The following ST7L variants were observed in gnomAD, a reference collection of about 807,000 sequenced individuals.
The protein encoded by ST7L is suppressor of tumorigenicity 7 protein-like.
In ST7L, 57 loss-of-function variants were observed where a neutral mutation model predicts 72.5. That is an observed-to-expected ratio of 0.79 (90% CI 0.64 to 0.98). The LOEUF is 0.98. Among genes scored for constraint, ST7L ranks in the 50% least tolerant of loss-of-function variants. The probability of loss-of-function intolerance (pLI) is 0.00; values close to 1 mark genes in which losing one functional copy is unlikely to be tolerated. For missense variants in ST7L, 576 were observed against 672.2 expected (o/e 0.86, Z 1.58); for synonymous variants, 221 against 240.9 (o/e 0.92, Z 0.77).
At chr1:112,611,071 T>C in intron 2 of ST7L, 68 bp from the exon 3 acceptor site, 1 of 1,503,800 alleles carries the variant, frequency 6.6e-7, no homozygotes, top group Non-Finnish European at 9.0e-7. Context: ...AATTAAAACA[T>C]TCTCTCAAGA....
intron 14 of ST7L, among the ~76,000 whole-genome samples, chr1:112,535,409 G>A (rs577034774): frequency 1.3e-5 from 2 of 151,156 alleles, no homozygotes; most frequent in African/African-American, 4.9e-5. Flanking sequence ...AGAAGAAGAA[G>A]AAGAAGAAGA....
chr1:112,531,550 A>G (rs1467946239), intron 14 of ST7L, among the ~76,000 whole-genome samples: 1 of 152,214 alleles, frequency 6.6e-6, no homozygotes, highest in African/African-American at 2.4e-5. Flanking sequence ...GGGTCACTAT[A>G]TCTTACGGGA....
At chr1:112,551,438 G>A (rs546575520) in intron 12 of ST7L, among the ~76,000 whole-genome samples, 4 of 152,120 alleles carry the variant, frequency 2.6e-5, no homozygotes, top group African/African-American at 4.8e-5. Flanking sequence ...GTGAGCCACC[G>A]CGCCCGGCCT....
intron 6 of ST7L, among the ~76,000 whole-genome samples, chr1:112,591,071 C>T (rs1407860417): frequency 6.6e-6 from 1 of 151,860 alleles, no homozygotes; most frequent in African/African-American, 2.4e-5. Context: ...GCTGGGACTA[C>T]AGGCGCTCGC....
intron 12 of ST7L, among the ~76,000 whole-genome samples, chr1:112,551,960 G>A (rs1043871334): frequency 2.0e-5 from 3 of 152,158 alleles, no homozygotes; most frequent in Non-Finnish European, 2.9e-5. Context: ...CTATACATAC[G>A]TTTAAGAAAG....
downstream of ST7L, chr1:112,523,407 G>A (rs1294865439): frequency 6.6e-6 from 1 of 152,218 alleles, no homozygotes; most frequent in Admixed American, 6.5e-5. Flanking sequence ...GTCCCAAAAG[G>A]AATGATGGCC....
chr1:112,579,380 TAAAAA>T (rs34252016), intron 9 of ST7L, among the ~76,000 whole-genome samples: 2,492 of 96,830 alleles, frequency 0.026, 68 homozygotes, highest in African/African-American at 0.09. Flanking sequence ...CGAGACTCTG[TAAAAA>T]AAAAAAAAAA....
intron 14 of ST7L, among the ~76,000 whole-genome samples, chr1:112,531,944 T>C (rs977430716): frequency 1.3e-5 from 2 of 152,134 alleles, no homozygotes; most frequent in African/African-American, 2.4e-5. Context: ...TCTTTTCAGG[T>C]TATCCAGGAC....
chr1:112,618,238 A>T, intron 1 of ST7L: 1 of 1,123,370 alleles, frequency 8.9e-7, no homozygotes, highest in Non-Finnish European at 1.1e-6. Context: ...CAGGATCATC[A>T]CTTCTTACAT....
intron 5 of ST7L, among the ~76,000 whole-genome samples, chr1:112,594,118 A>C (rs1433972310): frequency 6.6e-6 from 1 of 151,948 alleles, no homozygotes; most frequent in Non-Finnish European, 1.5e-5. Context: ...CTGATCTACC[A>C]AAGAATGTTT....
At position 112,533,532 on chromosome 1, in the gene ST7L, G is replaced by A. The variant is rs748577952; in HGVS notation, c.1630-7421C>T. 8.8e-4 allele frequency among the ~76,000 whole-genome samples: 134 copies of A among 152,108 alleles called. 1 individual carries two copies. The highest frequency in any genetic ancestry group is 2.0e-3 in the Admixed American group (31 of 15,272). ...CGGTTTCACCATGTTGGCCAGGATC[G>A]TCTTGATCTCTTGACTCATGATCCA... On this transcript the variant is annotated intron_variant, in intron 14 of 14. Transcript: ENST00000358039.
chr1:112,558,721 T>C (rs1182337120), intron 11 of ST7L, among the ~76,000 whole-genome samples: 2 of 152,350 alleles, frequency 1.3e-5, no homozygotes, highest in African/African-American at 2.4e-5. Flanking sequence ...CAAAGCCCAT[T>C]TGATGCCTGG....
chr1:112,610,889 A>G lies in ST7L; in HGVS notation c.403T>C (p.Ser135Pro). The change falls in exon 3 of 15, where the codon TCT becomes CCT. Residue 135 changes from serine to proline, a missense_variant. Coordinates refer to ENST00000358039, the MANE Select transcript of ST7L (RefSeq NM_017744.5). ...GTESSISEPG[S>P]PSRNRENETS... ...TCATTTTCTCTGTTCCTCGAAGGAG[A>G]ACCTGGTTCTGAAATGCTGCTCTCT... is the stretch of plus-strand genomic sequence containing the variant. 1.2e-6 allele frequency: 2 copies of G among 1,614,170 alleles called. No homozygotes were observed. The highest frequency in any genetic ancestry group is 1.7e-6 in the Non-Finnish European group (2 of 1,180,028).
chr1:112,570,432 G>C (rs1661874065), intron 11 of ST7L, among the ~76,000 whole-genome samples: 1 of 151,858 alleles, frequency 6.6e-6, no homozygotes, highest in African/African-American at 2.4e-5. Flanking sequence ...TTCTGTTGTA[G>C]TTATGTGGAA....
intron 11 of ST7L, among the ~76,000 whole-genome samples, chr1:112,559,245 TTTTA>T (rs368746100): frequency 1.0e-3 from 153 of 152,252 alleles, no homozygotes; most frequent in African/African-American, 3.2e-3. Context: ...CAAAAAATAC[TTTTA>T]TTTATTTATT....
chr1:112,570,570 T>TATATACACACACAC (rs1183877129), intron 11 of ST7L, among the ~76,000 whole-genome samples: 14 of 143,416 alleles, frequency 9.8e-5, no homozygotes, highest in African/African-American at 3.4e-4. Context: ...TATATATATA[T>TATATACACACACAC]ACACACACAC....
chr1:112,563,012 A>C (rs1660426854), intron 11 of ST7L, among the ~76,000 whole-genome samples: 1 of 152,124 alleles, frequency 6.6e-6, no homozygotes, highest in African/African-American at 2.4e-5. Context: ...TCAGAGAAGT[A>C]GAATTGGGAG....
At chr1:112,566,294 C>CTT (rs33915951) in intron 11 of ST7L, among the ~76,000 whole-genome samples, 18,555 of 106,856 alleles carry the variant, frequency 0.17, 2,354 homozygotes, top group Non-Finnish European at 0.21. Context: ...TTTTCTTCTT[C>CTT]TTCTTTTTTT....
chr1:112,571,407 A>T (rs1046825158), intron 11 of ST7L: 1 of 423,286 alleles, frequency 2.4e-6, no homozygotes, highest in East Asian at 7.3e-5. Context: ...ATGTATATCT[A>T]TCTATCTATA....
Sources: gnomAD v4.1 joint callset for allele counts (sites outside exome capture counted in the v4.1 genomes callset) on GRCh38, gnomAD v4.1.1 for gene constraint, MANE v1.5 for transcripts, NCBI Gene and HGNC (gene_info 2026-07-23, HGNC 2026-07-21) for gene names.